The following TRIM67 variants were observed in gnomAD, a reference collection of about 807,000 sequenced individuals.
The protein encoded by TRIM67 is tripartite motif-containing protein 67.
TRIM67 carries 39 observed loss-of-function variants against 71.0 expected under a neutral mutation model. The ratio of observed to expected loss-of-function variants is 0.55; its 90% CI spans 0.43 to 0.72. The LOEUF is 0.72. Among genes scored for constraint, TRIM67 ranks in the 30% least tolerant of loss-of-function variants. The pLI, the probability that TRIM67 is intolerant of heterozygous loss-of-function variation, is 0.00. For synonymous variants in TRIM67, 481 were observed against 473.9 expected, an observed-to-expected ratio of 1.01 and a Z score of -0.19; for missense variants, 973 against 1,079.2, an observed-to-expected ratio of 0.90 and a Z score of 1.38.
intron 1 of TRIM67, among the ~76,000 whole-genome samples, chr1:231,189,318 T>C (rs895844239): frequency 1.3e-5 from 2 of 152,188 alleles, no homozygotes; most frequent in Non-Finnish European, 2.9e-5. Context: ...CTGGAACCCA[T>C]GTAAGGTGAA....
At chr1:231,206,923 AG>A in intron 7 of TRIM67, 133 bp downstream of exon 7, 3 of 969,712 alleles carry the variant, frequency 3.1e-6, no homozygotes, top group Non-Finnish European at 4.3e-6. Flanking sequence ...GGGTTCTCCA[AG>A]GGCGTGCCCT....
At chr1:231,204,973 A>G (rs1683656455) in intron 6 of TRIM67, among the ~76,000 whole-genome samples, 1 of 152,208 alleles carries the variant, frequency 6.6e-6, no homozygotes, top group Admixed American at 6.5e-5. Flanking sequence ...GGGAGGTAAG[A>G]TGAGATAGCT....
intron 6 of TRIM67, 56 bp from the exon 7 acceptor site, chr1:231,206,596 A>G: frequency 6.8e-7 from 1 of 1,478,878 alleles, no homozygotes; most frequent in Non-Finnish European, 9.0e-7. Flanking sequence ...GCCATTTGCT[A>G]AGAGGAGCTT....
chr1:231,215,629 A>T lies in TRIM67; in HGVS notation c.*189A>T. ...GAATGGGTCCACGGGCCATGCTCACAGCTGCCACTGTCAGTGGCAAAGGAA... is the reference window on the plus strand; with the variant it reads ...GAATGGGTCCACGGGCCATGCTCACTGCTGCCACTGTCAGTGGCAAAGGAA... On this transcript the variant is annotated 3_prime_UTR_variant, in exon 10 of 10. Transcript: ENST00000366653. 1.5e-6 allele frequency: 2 copies of T among 1,350,072 alleles called. No individual in the cohort carries two copies. Among genetic ancestry groups the T allele is most frequent in the Non-Finnish European group, 1.9e-6 (2 of 1,049,018 alleles). The allele number at this position is 1,350,072 out of a possible 1,614,324, so 83.6% of individuals were successfully genotyped here. A position where few individuals can be genotyped will look rare whatever the true frequency, so the allele number is the denominator to read the frequency against.
chr1:231,181,743 T>C (rs906697427), intron 1 of TRIM67, among the ~76,000 whole-genome samples: 1 of 152,168 alleles, frequency 6.6e-6, no homozygotes, highest in Non-Finnish European at 1.5e-5. Flanking sequence ...GAGGTAGACA[T>C]TCCCACCATA....
At chr1:231,186,297 A>G (rs12096847) in intron 1 of TRIM67, 147,097 of 789,098 alleles carry the variant, frequency 0.19, 17,651 homozygotes, top group African/African-American at 0.46. Flanking sequence ...GAACAGGACA[A>G]ATCGGGCCTG....
intron 1 of TRIM67, among the ~76,000 whole-genome samples, chr1:231,191,621 G>C (rs1242375192): frequency 1.3e-5 from 2 of 152,086 alleles, no homozygotes; most frequent in Non-Finnish European, 1.5e-5. Context: ...GACTAAATGT[G>C]AACCAGGTCA....
At chr1:231,165,602 A>G (rs541357381) in intron 1 of TRIM67, among the ~76,000 whole-genome samples, 6 of 152,316 alleles carry the variant, frequency 3.9e-5, no homozygotes, top group Admixed American at 3.9e-4. Context: ...GGTAGTGTTT[A>G]TGCTGAGTCC....
chr1:231,168,748 C>G (rs1321789082), intron 1 of TRIM67, among the ~76,000 whole-genome samples: 1 of 152,200 alleles, frequency 6.6e-6, no homozygotes, highest in Non-Finnish European at 1.5e-5. Flanking sequence ...ATTGATTTAA[C>G]ATGTACAGAT....
At chr1:231,190,235 T>C (rs1049391053) in intron 1 of TRIM67, among the ~76,000 whole-genome samples, 3 of 152,196 alleles carry the variant, frequency 2.0e-5, no homozygotes, top group Admixed American at 2.0e-4. Flanking sequence ...CTAGTCTGTG[T>C]TGACAGAGTC....
At chr1:231,212,455 C>G (rs1054832766) in intron 8 of TRIM67, among the ~76,000 whole-genome samples, 4 of 152,148 alleles carry the variant, frequency 2.6e-5, no homozygotes, top group African/African-American at 9.7e-5. Flanking sequence ...CCTTTAGTGT[C>G]TTGTAAATTA....
rs374893816 is a variant in TRIM67, at chr1:231,199,128, C to A, written c.1222C>A (p.Leu408Met). ...TGCTTTAACTCGTCAGAAAGCCAAGCTGCTCACCAAGGTGACTAAAGAGAG... is the reference window on the plus strand; with the variant it reads ...TGCTTTAACTCGTCAGAAAGCCAAGATGCTCACCAAGGTGACTAAAGAGAG... ...VDALTRQKAK[L>M]LTKVTKEREH... is the part of the protein sequence containing the mutation. Residue 408 changes from leucine (L) to methionine (M), a missense_variant, in exon 3 of 10, where the codon CTG (leucine) becomes ATG (methionine). Coordinates refer to ENST00000366653, the MANE Select transcript of TRIM67 (RefSeq NM_001004342.5). 1 of 1,613,986 alleles carries A rather than the reference C, an allele frequency of 6.2e-7. No homozygotes were observed. Among genetic ancestry groups the A allele is most frequent in the Non-Finnish European group, 8.5e-7 (1 of 1,179,892 alleles).
At position 231,163,674 on chromosome 1, in the gene TRIM67, G is replaced by T; in HGVS notation, c.705G>T (p.Gln235His). 6.6e-7 allele frequency: 1 copy of T among 1,515,678 alleles called. No homozygotes were observed. The highest frequency in any genetic ancestry group is 1.2e-5 in the South Asian group (1 of 80,668). 93.9% of individuals were successfully genotyped at this position (1,515,678 alleles called of 1,614,324 possible). A position where few individuals can be genotyped will look rare whatever the true frequency, so the allele number is the denominator to read the frequency against. The change falls in exon 1 of 10, where the codon CAG (glutamine) becomes CAT (histidine). Residue 235 changes from glutamine to histidine, a missense_variant. Physicochemically the swap from Gln to His is conservative, Grantham distance 24. Transcript: ENST00000366653. ...ACGTCCTCTACTGCTCTGCCTGCCA[G>T]CTCAAGTGCCATCCATCCCGGGGAC... Reference protein sequence around the residue: ...QCDVLYCSACQLKCHPSRGPF... With the variant: ...QCDVLYCSACHLKCHPSRGPF...
Position 231,206,797 on chromosome 1 carries a change from A to C in TRIM67, c.1819+7A>C. 2 of 1,585,404 alleles carry C rather than the reference A, an allele frequency of 1.3e-6. No homozygotes were observed. ...GTCCTGCAGACATCCGATGGTGAGC[A>C]TCGGGATCTCTTAGTGGGAAGAACA... On this transcript the variant is annotated splice_region_variant and intron_variant, in intron 7 of 9. Transcript: ENST00000366653.
At chr1:231,169,939 T>G (rs1376462595) in intron 1 of TRIM67, among the ~76,000 whole-genome samples, 1 of 152,126 alleles carries the variant, frequency 6.6e-6, no homozygotes, top group Non-Finnish European at 1.5e-5. Context: ...TCCAAGTAGG[T>G]TGGTAATTCA....
rs1408355663 is a variant in TRIM67, at chr1:231,163,740, G to A, written c.771G>A (p.Pro257=). ...GCCTGGTGCAGCCGCCGCCGCCGCC[G>A]CCGCCGCCCGCCGAGGCAGCCTCCG... The part of the protein sequence containing the change: ...KHRLVQPPPP[P]PPPAEAASGP... The change falls in exon 1 of 10, where the codon CCG becomes CCA. Residue 257 remains proline, a synonymous_variant. Coordinates refer to ENST00000366653, the MANE Select transcript of TRIM67 (RefSeq NM_001004342.5). 8 of 1,491,414 alleles carry A rather than the reference G, an allele frequency of 5.4e-6. No individual in the cohort carries two copies. The highest frequency in any genetic ancestry group is 2.9e-5 in the East Asian group (1 of 34,264). The allele number at this position is 1,491,414 out of a possible 1,614,324, so 92.4% of individuals were successfully genotyped here.
At chr1:231,207,833 T>C (rs1358654234) in intron 7 of TRIM67, among the ~76,000 whole-genome samples, 2 of 152,064 alleles carry the variant, frequency 1.3e-5, no homozygotes, top group Non-Finnish European at 2.9e-5. Context: ...GTCATGACTT[T>C]AGAGTAAGGG....
chr1:231,180,419 C>T (rs1015089223), intron 1 of TRIM67, among the ~76,000 whole-genome samples: 3 of 152,120 alleles, frequency 2.0e-5, no homozygotes, highest in South Asian at 2.1e-4. Context: ...TCTTACCTCT[C>T]GGTAAACATA....
At position 231,215,305 on chromosome 1, in the gene TRIM67, G is replaced by T. The variant is rs1405509367; in HGVS notation, c.2287-70G>T. On this transcript the variant is annotated intron_variant, in intron 9 of 9. Transcript: ENST00000366653. The stretch of plus-strand genomic sequence containing the variant: ...GCAGGGGATCCTGCCGGTGTCTGCG[G>T]TGCTGTCAGAGCCCTCAGGGTCCCT... The T allele has an allele frequency of 2.6e-6, 4 of 1,558,394 alleles. No individual in the cohort carries two copies. The Admixed American group carries it at 7.4e-5, about 29-fold the overall frequency.
Sources: allele counts gnomAD v4.1 joint callset (sites outside exome capture counted in the v4.1 genomes callset), GRCh38; gene constraint gnomAD v4.1.1; transcripts MANE v1.5; gene names NCBI Gene and HGNC (gene_info 2026-07-23, HGNC 2026-07-21).